SUN1: variants seen among roughly 807,000 people sequenced by gnomAD.
The protein encoded by SUN1 is SUN domain-containing protein 1.
In SUN1, 61 loss-of-function variants were observed where a neutral mutation model predicts 103.2. The ratio of observed to expected loss-of-function variants is 0.59; its 90% CI spans 0.48 to 0.73. The LOEUF is 0.73. SUN1 is among the 30% of genes least tolerant of loss of function. The probability of loss-of-function intolerance (pLI) is 0.00; values close to 1 mark genes in which losing one functional copy is unlikely to be tolerated. For missense variants in SUN1, 1,052 were observed against 1,034.6 expected, an observed-to-expected ratio of 1.02 and a Z score of -0.23; for synonymous variants, 490 against 425.7, an observed-to-expected ratio of 1.15 and a Z score of -1.86.
At chr7:852,248 G>A (rs1822908052) in intron 7 of SUN1, 1 of 625,968 alleles carries the variant, frequency 1.6e-6, no homozygotes, top group East Asian at 2.8e-5. Context: ...GAAAACAAAT[G>A]TGCAGAGGTG....
intron 5 of SUN1, chr7:849,974 C>T (rs772416223): frequency 1.2e-5 from 19 of 1,602,528 alleles, no homozygotes; most frequent in African/African-American, 8.0e-5. Flanking sequence ...GCCGCCCACT[C>T]GCAGTCGCCA....
intron 1 of SUN1, 36 bp from the exon 2 acceptor site, chr7:838,762 A>G: frequency 1.8e-5 from 27 of 1,489,944 alleles, no homozygotes; most frequent in Non-Finnish European, 2.4e-5. Context: ...GGGGGCTATA[A>G]GCACTGCTTA....
At chr7:867,019 C>T (rs1039801884) in intron 16 of SUN1, among the ~76,000 whole-genome samples, 10 of 152,172 alleles carry the variant, frequency 6.6e-5, no homozygotes, top group Admixed American at 1.3e-4. Flanking sequence ...TGTGGAACAA[C>T]GCCAAGACGG....
chr7:844,406 G>C (rs553065600), intron 5 of SUN1, among the ~76,000 whole-genome samples: 235 of 152,358 alleles, frequency 1.5e-3, no homozygotes, highest in Middle Eastern at 0.01. Flanking sequence ...TCCACTCCGA[G>C]CCTGGCATTG....
At chr7:862,603 A>G (rs1277981331) in intron 15 of SUN1, among the ~76,000 whole-genome samples, 2 of 152,244 alleles carry the variant, frequency 1.3e-5, no homozygotes, top group African/African-American at 4.8e-5. Flanking sequence ...ATTATTTTCC[A>G]TTAAGAGGCA....
upstream of SUN1, chr7:830,987 A>T: frequency 1.0e-6 from 1 of 985,466 alleles, no homozygotes; most frequent in Non-Finnish European, 1.2e-6. Flanking sequence ...AGGGTAGCCT[A>T]CATTGGATCC....
chr7:834,824 C>G (rs1344974570), intron 1 of SUN1, among the ~76,000 whole-genome samples: 1 of 152,060 alleles, frequency 6.6e-6, no homozygotes, highest in Non-Finnish European at 1.5e-5. Context: ...GCCTGTAATC[C>G]CAGCACTTTG....
At chr7:840,270 G>A (rs6977457) in intron 2 of SUN1, among the ~76,000 whole-genome samples, 118,257 of 152,196 alleles carry the variant, frequency 0.78, 46,069 homozygotes, top group Admixed American at 0.83. Flanking sequence ...GAGATGCAGG[G>A]TGTGAGTTCA....
chr7:872,023 C>G (rs935056122), intron 17 of SUN1, among the ~76,000 whole-genome samples: 1 of 152,288 alleles, frequency 6.6e-6, no homozygotes, highest in South Asian at 2.1e-4. Flanking sequence ...GGCCGGCACT[C>G]GCTCCCTTCT....
chr7:865,945 C>T lies in SUN1; in HGVS notation c.1865-7C>T, dbSNP rs1283253472. 6.2e-7 allele frequency: 1 copy of T among 1,613,350 alleles called. No individual in the cohort carries two copies. Among genetic ancestry groups the T allele is most frequent in the Non-Finnish European group, 8.5e-7 (1 of 1,179,374 alleles). On this transcript the variant is annotated splice_region_variant and splice_polypyrimidine_tract_variant and intron_variant, in intron 15 of 18. Transcript: ENST00000401592. The stretch of plus-strand genomic sequence containing the variant: ...GACACTGAGACCGATCTGAACTTTG[C>T]TTTAAGGTGGCAGCATCTTGAGTAC...
chr7:859,228 C>T (rs896703030), intron 13 of SUN1, among the ~76,000 whole-genome samples: 9 of 151,970 alleles, frequency 5.9e-5, no homozygotes, highest in Admixed American at 3.9e-4. Flanking sequence ...ATGGGACTTG[C>T]AGATTACAGC....
At chr7:868,415 G>T in intron 16 of SUN1, 1 of 282,000 alleles carries the variant, frequency 3.5e-6, no homozygotes, top group Admixed American at 5.0e-5. Flanking sequence ...TGGGGCTGCA[G>T]GCTGCACCGT....
intron 2 of SUN1, 145 bp from the exon 3 acceptor site, chr7:841,801 A>G: frequency 1.3e-6 from 1 of 789,240 alleles, no homozygotes; most frequent in East Asian, 2.7e-5. Flanking sequence ...TTAACAGTTG[A>G]TTCATTACAG....
chr7:868,297 C>T (rs905714436), intron 16 of SUN1, among the ~76,000 whole-genome samples: 4 of 152,248 alleles, frequency 2.6e-5, no homozygotes, highest in Non-Finnish European at 4.4e-5. Context: ...CGCTGTGCTG[C>T]GAACAGTGCT....
chr7:858,261 G>C (rs554457020), intron 13 of SUN1, among the ~76,000 whole-genome samples: 1 of 152,202 alleles, frequency 6.6e-6, no homozygotes, highest in South Asian at 2.1e-4. Context: ...CACCACAATG[G>C]TCAGGCTGGT....
chr7:827,204 T>C (rs967859048), intron 1 of SUN1, among the ~76,000 whole-genome samples: 5 of 151,672 alleles, frequency 3.3e-5, no homozygotes, highest in African/African-American at 1.2e-4. Flanking sequence ...GTAGTTTTGC[T>C]AGAGACGGGG....
intron 1 of SUN1, among the ~76,000 whole-genome samples, chr7:818,967 G>C (rs1357196486): frequency 6.6e-6 from 1 of 151,358 alleles, no homozygotes; most frequent in Non-Finnish European, 1.5e-5. Flanking sequence ...GGGCTCAAGC[G>C]ATTCTCCTGC....
intron 5 of SUN1, chr7:849,666 T>A (rs778174483): frequency 1.3e-6 from 2 of 1,505,150 alleles, no homozygotes; most frequent in African/African-American, 1.4e-5. Context: ...CGCTGTCATG[T>A]TGGGTACTAG....
chr7:846,546 G>C (rs1815976152), intron 5 of SUN1, among the ~76,000 whole-genome samples: 1 of 151,780 alleles, frequency 6.6e-6, no homozygotes, highest in African/African-American at 2.4e-5. Flanking sequence ...CTGCACTTCA[G>C]CCTGGGCGAG....
Sources: gnomAD v4.1 joint callset for allele counts (sites outside exome capture counted in the v4.1 genomes callset) on GRCh38, gnomAD v4.1.1 for gene constraint, MANE v1.5 for transcripts, NCBI Gene and HGNC (gene_info 2026-07-23, HGNC 2026-07-21) for gene names.